The following STK4 variants were observed in gnomAD, a reference collection of about 807,000 sequenced individuals.
STK4 encodes serine/threonine-protein kinase 4.
STK4 carries 30 observed loss-of-function variants against 64.9 expected under a neutral mutation model. The observed-to-expected ratio is 0.46, with a 90% CI of 0.35 to 0.63. The LOEUF (loss-of-function observed/expected upper bound fraction) is 0.63. Ranked by LOEUF, STK4 falls within the 20% of genes least tolerant of loss-of-function variation. The probability of loss-of-function intolerance (pLI) is 0.01; values close to 1 mark genes in which losing one functional copy is unlikely to be tolerated. For missense variants in STK4, 466 were observed against 598.5 expected, an observed-to-expected ratio of 0.78 and a Z score of 2.31; for synonymous variants, 177 against 199.0, an observed-to-expected ratio of 0.89 and a Z score of 0.93.
intron 10 of STK4, among the ~76,000 whole-genome samples, chr20:45,036,049 T>C (rs2068522702): frequency 6.6e-6 from 1 of 152,202 alleles, no homozygotes; most frequent in Admixed American, 6.5e-5. Flanking sequence ...GGTAACTAGT[T>C]AATAAACAAT....
intron 10 of STK4, among the ~76,000 whole-genome samples, chr20:45,056,367 G>A (rs1978485120): frequency 2.0e-5 from 3 of 152,074 alleles, no homozygotes; most frequent in Non-Finnish European, 4.4e-5. Context: ...TTTGTGTTTG[G>A]CCTCATTCAC....
chr20:45,058,963 T>G (rs1288024648), intron 10 of STK4, among the ~76,000 whole-genome samples: 1 of 152,186 alleles, frequency 6.6e-6, no homozygotes, highest in Non-Finnish European at 1.5e-5. Context: ...TCTCACAGAT[T>G]GGCTTCCTTA....
rs1229308224 is a variant in STK4 at position 45,076,318 on chromosome 20, A to T, written c.*1142A>T. 1 of 152,246 alleles carries T rather than the reference A, an allele frequency of 6.6e-6. No homozygotes were observed. Among genetic ancestry groups the T allele is most frequent in the African/African-American group, 2.4e-5 (1 of 41,454 alleles). The allele number at this position is 152,246 out of a possible 1,614,324, so 9.4% of individuals were successfully genotyped here. A position where few individuals can be genotyped will look rare whatever the true frequency, so the allele number is the denominator to read the frequency against. On this transcript the variant is annotated 3_prime_UTR_variant, in exon 11 of 11. Coordinates refer to ENST00000372806, the MANE Select transcript of STK4 (RefSeq NM_006282.5). This position sits in a 1 kb window ranked among gnomAD's most constrained non-coding sequence, Gnocchi z 4.0. Reference sequence around the variant, plus strand: ...CTGATCTGATCCTCTTGTACGGATGATCGCAAAACTGAGGTGTAGAGAGGG... The same window carrying T: ...CTGATCTGATCCTCTTGTACGGATGTTCGCAAAACTGAGGTGTAGAGAGGG...
chr20:44,991,441 C>T (rs918168097), intron 5 of STK4, among the ~76,000 whole-genome samples: 3 of 152,180 alleles, frequency 2.0e-5, no homozygotes, highest in Admixed American at 6.5e-5. Context: ...ATGCATAGTG[C>T]TGAATTTCTT....
intron 1 of STK4, among the ~76,000 whole-genome samples, chr20:44,968,771 G>T (rs2145623266): frequency 6.6e-6 from 1 of 152,334 alleles, no homozygotes; most frequent in Admixed American, 6.5e-5. Flanking sequence ...GAAGAGCATT[G>T]CAGGACTGGG....
intron 10 of STK4, among the ~76,000 whole-genome samples, chr20:45,026,052 T>G (rs1303635018): frequency 6.6e-6 from 1 of 151,736 alleles, no homozygotes; most frequent in Non-Finnish European, 1.5e-5. Flanking sequence ...AATTAACTGA[T>G]TAGTCACTGA....
intron 9 of STK4, among the ~76,000 whole-genome samples, chr20:45,024,569 C>T (rs1409412395): frequency 6.6e-6 from 1 of 152,072 alleles, no homozygotes; most frequent in Non-Finnish European, 1.5e-5. Flanking sequence ...ACTTAAATGC[C>T]TATAGAGAAT....
rs1297504354 is a variant in STK4 at position 45,077,964 on chromosome 20, A to AT, written c.*2789dup. On this transcript the variant is annotated 3_prime_UTR_variant, in exon 11 of 11. Coordinates refer to ENST00000372806, the MANE Select transcript of STK4 (RefSeq NM_006282.5). Reference sequence around the variant, plus strand: ...GATCAGAGAAATTTCCTGACAAGGTATATTTGTTTTCTAGTGACAGAAAGG... The same window carrying AT: ...GATCAGAGAAATTTCCTGACAAGGTATTATTTGTTTTCTAGTGACAGAAAGG... 3.3e-5 allele frequency: 5 copies of AT among 152,188 alleles called. No homozygotes were observed. Among genetic ancestry groups the AT allele is most frequent in the Admixed American group, 2.0e-4 (3 of 15,284 alleles). 9.4% of individuals were successfully genotyped at this position (152,188 alleles called of 1,614,324 possible). A position where few individuals can be genotyped will look rare whatever the true frequency, so the allele number is the denominator to read the frequency against.
chr20:45,053,189 A>AT, intron 10 of STK4: 1 of 1,607,954 alleles, frequency 6.2e-7, no homozygotes, highest in Non-Finnish European at 8.5e-7. Context: ...TGGTAAATGA[A>AT]TGTCATCTTT....
At chr20:45,068,727 C>T (rs1205507627) in intron 10 of STK4, among the ~76,000 whole-genome samples, 1 of 152,174 alleles carries the variant, frequency 6.6e-6, no homozygotes, top group Non-Finnish European at 1.5e-5. Context: ...CCACTCTTAT[C>T]CTCAGTGACC....
intron 10 of STK4, among the ~76,000 whole-genome samples, chr20:45,062,989 C>CTTTTTTTGTTTTTTTTT (rs1979213118): frequency 3.2e-5 from 1 of 31,452 alleles, no homozygotes; most frequent in Non-Finnish European, 5.8e-5. Context: ...CGCACCCGGC[C>CTTTTTTTGTTTTTTTTT]TTTTTTTTTT....
chr20:44,977,402 CAG>C (rs2067358601), intron 2 of STK4, among the ~76,000 whole-genome samples: 1 of 151,488 alleles, frequency 6.6e-6, no homozygotes, highest in Non-Finnish European at 1.5e-5. Flanking sequence ...TTCACCAAGA[CAG>C]TGTGAAGATA....
At chr20:45,007,819 A>G in intron 9 of STK4, 2 of 421,098 alleles carry the variant, frequency 4.7e-6, no homozygotes, top group Non-Finnish European at 4.7e-6. Context: ...GGTTTGATGC[A>G]TAAATATATT....
At chr20:45,027,205 A>G (rs1460674785) in intron 10 of STK4, among the ~76,000 whole-genome samples, 1 of 152,086 alleles carries the variant, frequency 6.6e-6, no homozygotes, top group Non-Finnish European at 1.5e-5. Context: ...AAGGCCGGTC[A>G]ATCACCTTAG....
intron 10 of STK4, among the ~76,000 whole-genome samples, chr20:45,070,612 G>T (rs553345919): frequency 1.3e-5 from 2 of 152,084 alleles, no homozygotes; most frequent in Non-Finnish European, 2.9e-5. Context: ...TTCTATTAGC[G>T]TGGTGGCTCA....
At chr20:44,970,037 T>A (rs1037196141) in intron 1 of STK4, among the ~76,000 whole-genome samples, 1 of 152,148 alleles carries the variant, frequency 6.6e-6, no homozygotes, top group Non-Finnish European at 1.5e-5. Flanking sequence ...TAATAGCGCC[T>A]TAAGTTCAAG....
At chr20:45,072,053 A>G (rs1980114995) in intron 10 of STK4, among the ~76,000 whole-genome samples, 1 of 152,178 alleles carries the variant, frequency 6.6e-6, no homozygotes, top group South Asian at 2.1e-4. Context: ...ATGAGCTACC[A>G]TGCCCAGCGT....
intron 1 of STK4, among the ~76,000 whole-genome samples, chr20:44,969,517 G>A (rs2067208473): frequency 8.4e-6 from 1 of 119,474 alleles, no homozygotes; most frequent in South Asian, 2.5e-4. Context: ...GTGTGTGTGT[G>A]TGATTAAGTG....
In STK4 at chr20:44,966,531, G is replaced by A; in HGVS notation, c.-38G>A. The A allele has an allele frequency of 7.9e-7, 1 of 1,258,588 alleles. No homozygotes were observed. Among genetic ancestry groups the A allele is most frequent in the Non-Finnish European group, 1.0e-6 (1 of 992,208 alleles). The allele number at this position is 1,258,588 out of a possible 1,614,324, so 78.0% of individuals were successfully genotyped here. A position where few individuals can be genotyped will look rare whatever the true frequency, so the allele number is the denominator to read the frequency against. On this transcript the variant is annotated 5_prime_UTR_variant, in exon 1 of 11. It removes an upstream start codon present in the reference 5' UTR. Transcript: ENST00000372806. The stretch of plus-strand genomic sequence containing the variant: ...GGGCTCAGGAGGTCCGCGGGAGGAT[G>A]GAGCAGTGAGCGGGTCTGGGCGGCT...
Sources: allele counts gnomAD v4.1 joint callset (sites outside exome capture counted in the v4.1 genomes callset), GRCh38; gene constraint gnomAD v4.1.1; non-coding constraint Gnocchi (gnomAD v3.1); transcripts MANE v1.5; gene names NCBI Gene and HGNC (gene_info 2026-07-23, HGNC 2026-07-21).